The following CDKL5 variants were observed in gnomAD, a reference collection of about 807,000 sequenced individuals.
CDKL5 encodes the protein cyclin dependent kinase like 5.
Under a neutral mutation model 61.7 loss-of-function variants are expected in CDKL5, and 8 were observed. The ratio of observed to expected loss-of-function variants is 0.13; its 90% confidence interval spans 0.08 to 0.23. The LOEUF is 0.23. Among genes scored for constraint, CDKL5 ranks in the 10% least tolerant of loss-of-function variants. The pLI, the probability that CDKL5 is intolerant of heterozygous loss-of-function variation, is 1.00. For synonymous variants in CDKL5, 275 were observed against 272.3 expected (o/e 1.01, Z -0.10); for missense variants, 440 against 734.5 (o/e 0.60, Z 4.63).
At chrX:18,653,628 A>G in exon 22 of CDKL5, 1 of 1,101,617 alleles carries the variant, frequency 9.1e-7, no homozygotes, top group Non-Finnish European at 1.2e-6. Context: ...ATCAACCATT[A>G]ACGCTGAGGT....
At chrX:18,653,614 A>G (rs1244414729) in exon 22 of CDKL5, 14 of 1,128,122 alleles carry the variant, frequency 1.2e-5, no homozygotes, top group African/African-American at 1.8e-5. Context: ...ATTAACACCA[A>G]TGAATCAACC....
intron 3 of CDKL5, among the ~76,000 whole-genome samples, chrX:18,517,467 A>G (rs766713675): frequency 1.8e-5 from 2 of 111,798 alleles, no homozygotes; most frequent in South Asian, 7.5e-4. Flanking sequence ...TTTTATGGTA[A>G]TCATAAAAAT....
Position 18,625,102 on chromosome X carries a change from G to A in CDKL5, c.2377-26G>A, listed in dbSNP as rs766324404. On this transcript the variant is annotated intron_variant, in intron 16 of 17. Coordinates refer to ENST00000623535, the MANE Select transcript of CDKL5 (RefSeq NM_001323289.2). ...AATTAGGCTTCTCAGTGTGCTTATT[G>A]AATGCTTGTCCATATTTTGCTCTAG... 2.5e-6 allele frequency: 3 copies of A among 1,199,330 alleles called. No individual in the cohort carries two copies. The East Asian group carries it at 8.9e-5, about 36-fold the overall frequency.
intron 3 of CDKL5, among the ~76,000 whole-genome samples, chrX:18,560,643 A>G (rs1471897853): frequency 8.9e-6 from 1 of 111,752 alleles, no homozygotes; most frequent in Non-Finnish European, 1.9e-5. Context: ...AGCAATTATG[A>G]AAGATCCAAC....
chrX:18,553,737 C>T (rs941936779), intron 3 of CDKL5, among the ~76,000 whole-genome samples: 11 of 111,533 alleles, frequency 9.9e-5, no homozygotes, highest in African/African-American at 1.3e-4. Context: ...TCAAGTGATC[C>T]GCCTGGAAGG....
intron 1 of CDKL5, among the ~76,000 whole-genome samples, chrX:18,480,776 A>T (rs1432131269): frequency 2.7e-5 from 3 of 109,930 alleles, no homozygotes; most frequent in Admixed American, 9.7e-5. Context: ...CCTTCAGTTA[A>T]CTAGTGTGAT....
At chrX:18,566,343 C>T (rs967261555) in intron 4 of CDKL5, among the ~76,000 whole-genome samples, 2 of 112,020 alleles carry the variant, frequency 1.8e-5, no homozygotes, top group Non-Finnish European at 3.8e-5. Context: ...TTTGTAGAGA[C>T]AGGGTTTCGC....
intron 3 of CDKL5, among the ~76,000 whole-genome samples, chrX:18,517,012 C>T (rs1178987885): frequency 8.9e-6 from 1 of 112,090 alleles, no homozygotes; most frequent in African/African-American, 3.2e-5. Flanking sequence ...GCTGCAATTA[C>T]AGGCGTGAGC....
intron 3 of CDKL5, among the ~76,000 whole-genome samples, chrX:18,561,266 C>T (rs960780487): frequency 1.8e-5 from 2 of 110,843 alleles, no homozygotes; most frequent in Admixed American, 9.7e-5. Flanking sequence ...GCCATGTATA[C>T]GTGAAGATGT....
chrX:18,434,974 TG>T (rs1395018821), intron 1 of CDKL5, among the ~76,000 whole-genome samples: 1 of 111,969 alleles, frequency 8.9e-6, no homozygotes, highest in East Asian at 2.8e-4. Flanking sequence ...ATTAGGTTCT[TG>T]GAAGTATGAG....
chrX:18,599,670 G>A (rs1044668557), intron 11 of CDKL5, among the ~76,000 whole-genome samples: 1 of 111,127 alleles, frequency 9.0e-6, no homozygotes, highest in African/African-American at 3.3e-5. Context: ...GCTCATGATG[G>A]TCTCAAACTC....
At chrX:18,517,987 A>G (rs1923084107) in intron 3 of CDKL5, among the ~76,000 whole-genome samples, 1 of 111,760 alleles carries the variant, frequency 8.9e-6, no homozygotes, top group African/African-American at 3.3e-5. Context: ...CCTGCGCGAC[A>G]GAGCAAGACT....
At chrX:18,502,321 T>C (rs769601653) in intron 1 of CDKL5, among the ~76,000 whole-genome samples, 42 of 112,695 alleles carry the variant, frequency 3.7e-4, no homozygotes, top group Non-Finnish European at 7.1e-4. Context: ...AATTATTTGC[T>C]TAATGAATTA....
chrX:18,467,456 C>T (rs1920972095), intron 1 of CDKL5, among the ~76,000 whole-genome samples: 1 of 111,798 alleles, frequency 8.9e-6, no homozygotes, highest in African/African-American at 3.2e-5. Context: ...TAAGTTCCCT[C>T]AAAAACCCTA....
At chrX:18,469,198 G>A (rs1239682975) in intron 1 of CDKL5, among the ~76,000 whole-genome samples, 2 of 106,515 alleles carry the variant, frequency 1.9e-5, no homozygotes, top group African/African-American at 3.4e-5. Context: ...AATTAGCCAG[G>A]CGTGGTGGCA....
At chrX:18,578,205 G>A (rs1925361670) in intron 5 of CDKL5, among the ~76,000 whole-genome samples, 1 of 112,340 alleles carries the variant, frequency 8.9e-6, no homozygotes, top group East Asian at 2.8e-4. Flanking sequence ...TGATTAGATG[G>A]CAATAAGTTT....
chrX:18,583,845 C>T (rs1195936410), intron 7 of CDKL5, among the ~76,000 whole-genome samples: 1 of 112,088 alleles, frequency 8.9e-6, no homozygotes, highest in African/African-American at 3.2e-5. Context: ...TGTGTAAGTG[C>T]CACATAGCAA....
intron 1 of CDKL5, among the ~76,000 whole-genome samples, chrX:18,440,366 G>A (rs778448829): frequency 8.9e-6 from 1 of 112,160 alleles, no homozygotes; most frequent in Admixed American, 9.5e-5. Context: ...GTTTTATCAT[G>A]AGATCACAGC....
Position 18,635,123 on chromosome X carries a change from C to G in CDKL5, c.*6366C>G. 1.3e-6 allele frequency: 1 copy of G among 749,263 alleles called. No homozygotes were observed. The highest frequency in any genetic ancestry group is 1.6e-6 in the Non-Finnish European group (1 of 635,544). 61.7% of individuals were successfully genotyped at this position (749,263 alleles called of 1,213,427 possible). A position where few individuals can be genotyped will look rare whatever the true frequency, so the allele number is the denominator to read the frequency against. On this transcript the variant is annotated 3_prime_UTR_variant, in exon 18 of 18. Transcript: ENST00000623535. ...CAAACTGAATTTAAAGTGTTGAATA[C>G]TTAAATCCTCACAAGTGAATTATGA...
Sources: allele counts gnomAD v4.1 joint callset (sites outside exome capture counted in the v4.1 genomes callset), GRCh38; gene constraint gnomAD v4.1.1; transcripts MANE v1.5; gene names NCBI Gene and HGNC (gene_info 2026-07-23, HGNC 2026-07-21).